Variants in OTULIN observed in about 807,000 individuals in gnomAD.
The protein encoded by OTULIN is ubiquitin thioesterase otulin.
A neutral mutation model predicts 39.6 loss-of-function variants in OTULIN; 15 were observed. The ratio of observed to expected loss-of-function variants is 0.38; its 90% CI spans 0.25 to 0.58. The LOEUF is 0.58. Among genes scored for constraint, OTULIN ranks in the 20% least tolerant of loss-of-function variants. The pLI, the probability that OTULIN is intolerant of heterozygous loss-of-function variation, is 0.66. For missense variants in OTULIN, 319 were observed against 445.9 expected (o/e 0.72, Z 2.56); for synonymous variants, 156 against 170.3 (o/e 0.92, Z 0.65).
Position 14,664,823 on chromosome 5 carries a change from C to T in OTULIN, c.-3C>T, listed in dbSNP as rs1404573525. 4.9e-6 allele frequency: 6 copies of T among 1,217,690 alleles called. No individual in the cohort carries two copies. The highest frequency in any genetic ancestry group is 6.1e-6 in the Non-Finnish European group (6 of 977,150). The allele number at this position is 1,217,690 out of a possible 1,614,324, so 75.4% of individuals were successfully genotyped here. On this transcript the variant is annotated 5_prime_UTR_variant, in exon 1 of 7. Transcript: ENST00000284274. ...CTGAACCCCTTCGGCCGCGAGCGACCGCATGAGTCGGGGGACTATGCCCCA... is the reference window on the plus strand; with the variant it reads ...CTGAACCCCTTCGGCCGCGAGCGACTGCATGAGTCGGGGGACTATGCCCCA...
chr5:14,666,031 G>A (rs1011598521), intron 1 of OTULIN, among the ~76,000 whole-genome samples: 1 of 152,148 alleles, frequency 6.6e-6, no homozygotes, highest in Non-Finnish European at 1.5e-5. Context: ...CTCTGCAGAG[G>A]GTTAAATAGA....
intron 1 of OTULIN, among the ~76,000 whole-genome samples, chr5:14,666,383 T>C (rs1158933084): frequency 6.6e-6 from 1 of 152,170 alleles, no homozygotes. Context: ...AGTAGAACTA[T>C]ATAGACTTAG....
chr5:14,700,778 G>T (rs1736780908), downstream of OTULIN, among the ~76,000 whole-genome samples: 1 of 150,488 alleles, frequency 6.6e-6, no homozygotes, highest in East Asian at 2.0e-4. Flanking sequence ...AACTATTTTT[G>T]TCTTTGGCTG....
chr5:14,687,799 A>T, intron 5 of OTULIN, 153 bp downstream of exon 5: 1 of 894,892 alleles, frequency 1.1e-6, no homozygotes, highest in Non-Finnish European at 1.6e-6. Flanking sequence ...AACTCTTCCC[A>T]CGAGGGCTTT....
At chr5:14,708,151 TG>T in the OTULIN span, 6 of 152,212 alleles carry the variant, frequency 3.9e-5, no homozygotes, top group African/African-American at 1.4e-4. Flanking sequence ...ACAGAACAAA[TG>T]GCAACTGCAC....
rs1162447459 is a variant in OTULIN, at chr5:14,693,652, A to G, written c.*604A>G. The G allele has an allele frequency of 6.6e-6, 1 of 152,220 alleles. No individual in the cohort carries two copies. Among genetic ancestry groups the G allele is most frequent in the African/African-American group, 2.4e-5 (1 of 41,458 alleles). 9.4% of individuals were successfully genotyped at this position (152,220 alleles called of 1,614,324 possible). A position where few individuals can be genotyped will look rare whatever the true frequency, so the allele number is the denominator to read the frequency against. Reference sequence around the variant, plus strand: ...TCTCCTTTTTATGAAGGGAAGAGCAATGGTTTGGACTTACATCTTAATTAA... The same window carrying G: ...TCTCCTTTTTATGAAGGGAAGAGCAGTGGTTTGGACTTACATCTTAATTAA... On this transcript the variant is annotated 3_prime_UTR_variant, in exon 7 of 7. Transcript: ENST00000284274.
chr5:14,675,385 A>T (rs1736079638), intron 2 of OTULIN, among the ~76,000 whole-genome samples: 1 of 152,200 alleles, frequency 6.6e-6, no homozygotes, highest in African/African-American at 2.4e-5. Context: ...GCCCCCCTCA[A>T]GCAATTGGTG....
rs1212399336 is a variant in OTULIN at position 14,687,503 on chromosome 5, T to C, written c.469-18T>C. ...GAATGTTAACACTTCTTTATCTCTT[T>C]GTTTCTCGATGTTGTAGTTACCAGA... is the stretch of plus-strand genomic sequence containing the variant. On this transcript the variant is annotated intron_variant, in intron 4 of 6. Coordinates refer to ENST00000284274, the MANE Select transcript of OTULIN (RefSeq NM_138348.6). The C allele has an allele frequency of 1.2e-6, 2 of 1,607,990 alleles. No individual in the cohort carries two copies. Among genetic ancestry groups the C allele is most frequent in the African/African-American group, 1.3e-5 (1 of 74,254 alleles).
At position 14,697,003 on chromosome 5, in the gene OTULIN, C is replaced by G. The variant is rs1187010263; in HGVS notation, c.*3955C>G. ...GCCACTTCTGGCATTTCCTGTAAGT[C>G]ACTAGCAGTAGGTGTGAGGTGGGCT... On this transcript the variant is annotated 3_prime_UTR_variant, in exon 7 of 7. Transcript: ENST00000284274. 1 of 152,214 alleles carries G rather than the reference C, an allele frequency of 6.6e-6. No individual in the cohort carries two copies. The highest frequency in any genetic ancestry group is 1.5e-5 in the Non-Finnish European group (1 of 68,078). The allele number at this position is 152,214 out of a possible 1,614,324, so 9.4% of individuals were successfully genotyped here.
chr5:14,712,581 G>C, the OTULIN span, among the ~76,000 whole-genome samples: 1 of 152,250 alleles, frequency 6.6e-6, no homozygotes, highest in African/African-American at 2.4e-5. Context: ...CAAGCCATAG[G>C]CTGAATTTCG....
intron 4 of OTULIN, among the ~76,000 whole-genome samples, chr5:14,681,911 G>A (rs551172616): frequency 6.6e-4 from 100 of 152,222 alleles, no homozygotes; most frequent in Non-Finnish European, 1.3e-3. Context: ...TAAGTAGGCT[G>A]TATATGTTAC....
intron 2 of OTULIN, among the ~76,000 whole-genome samples, chr5:14,677,429 G>A (rs1482629765): frequency 1.3e-5 from 2 of 152,140 alleles, no homozygotes; most frequent in African/African-American, 4.8e-5. Flanking sequence ...AGGTACTTCT[G>A]CATTCTAAAA....
intron 2 of OTULIN, among the ~76,000 whole-genome samples, chr5:14,677,695 G>A (rs187681936): frequency 6.6e-6 from 1 of 152,242 alleles, no homozygotes; most frequent in East Asian, 1.9e-4. Context: ...AGTCAGGTGA[G>A]GTCTGTGGAT....
chr5:14,714,410 G>C, the OTULIN span, among the ~76,000 whole-genome samples: 41 of 152,250 alleles, frequency 2.7e-4, no homozygotes, highest in Non-Finnish European at 5.9e-4. Context: ...TCTGAAACTG[G>C]AAAGGCTTGA....
chr5:14,715,851 A>G, the OTULIN span, among the ~76,000 whole-genome samples: 67 of 152,360 alleles, frequency 4.4e-4, no homozygotes, highest in Non-Finnish European at 3.1e-4. Context: ...GCTTGGTATA[A>G]TAACTTTCCA....
the OTULIN span, chr5:14,708,901 T>C: frequency 6.6e-6 from 1 of 152,036 alleles, no homozygotes; most frequent in South Asian, 2.1e-4. Flanking sequence ...AAGGATTTTT[T>C]TTTTTTTTGA....
chr5:14,709,247 C>T, the OTULIN span: 1 of 152,078 alleles, frequency 6.6e-6, no homozygotes, highest in South Asian at 2.1e-4. Flanking sequence ...GAAAGTCACA[C>T]ATGTTAAAAA....
At chr5:14,702,310 GA>G (rs1744735195), downstream of OTULIN, among the ~76,000 whole-genome samples, 1 of 152,262 alleles carries the variant, frequency 6.6e-6, no homozygotes, top group Non-Finnish European at 1.5e-5. Flanking sequence ...GGCCCCTGGG[GA>G]GATGTTGGGA....
At chr5:14,705,875 G>GC in the OTULIN span, 1 of 152,194 alleles carries the variant, frequency 6.6e-6, no homozygotes, top group Non-Finnish European at 1.5e-5. Flanking sequence ...CATGTTCATG[G>GC]CCCCACACTT....
Sources: gnomAD v4.1 joint callset for allele counts (sites outside exome capture counted in the v4.1 genomes callset) on GRCh38, gnomAD v4.1.1 for gene constraint, MANE v1.5 for transcripts, NCBI Gene and HGNC (gene_info 2026-07-23, HGNC 2026-07-21) for gene names.